POU6F2: variants seen among roughly 807,000 people sequenced by gnomAD.
POU6F2 encodes the protein POU domain, class 6, transcription factor 2.
In POU6F2, 31 loss-of-function variants were observed where a neutral mutation model predicts 71.3. That is an observed-to-expected ratio of 0.43 (90% CI 0.33 to 0.59). POU6F2 has a LOEUF of 0.59. POU6F2 is among the 20% of genes least tolerant of loss of function. The probability of loss-of-function intolerance (pLI) is 0.04; values close to 1 mark genes in which losing one functional copy is unlikely to be tolerated. For synonymous variants in POU6F2, 347 were observed against 355.7 expected, an observed-to-expected ratio of 0.98 and a Z score of 0.27; for missense variants, 783 against 856.8, an observed-to-expected ratio of 0.91 and a Z score of 1.07.
chr7:39,147,105 A>C (rs1005362523), intron 2 of POU6F2, among the ~76,000 whole-genome samples: 2 of 152,174 alleles, frequency 1.3e-5, no homozygotes, highest in Non-Finnish European at 1.5e-5. Flanking sequence ...GAGTGGTGGG[A>C]CTACAGACAG....
intron 2 of POU6F2, among the ~76,000 whole-genome samples, chr7:39,089,590 T>C (rs1334142707): frequency 6.6e-6 from 1 of 152,218 alleles, no homozygotes; most frequent in African/African-American, 2.4e-5. Flanking sequence ...CGTGTCAGTG[T>C]GGTGCTTCAC....
chr7:39,395,052 A>G (rs1449199632), intron 5 of POU6F2, among the ~76,000 whole-genome samples: 1 of 151,734 alleles, frequency 6.6e-6, no homozygotes, highest in Non-Finnish European at 1.5e-5. Flanking sequence ...GCTCCCAGCT[A>G]CCTCCTGTTC....
chr7:38,982,649 G>C (rs1251215664), intron 1 of POU6F2, among the ~76,000 whole-genome samples: 2 of 151,962 alleles, frequency 1.3e-5, no homozygotes, highest in Admixed American at 1.3e-4. Context: ...TAACAATATA[G>C]TAATACTACT....
intron 4 of POU6F2, among the ~76,000 whole-genome samples, chr7:39,257,287 G>A (rs537326956): frequency 2.6e-5 from 4 of 152,264 alleles, no homozygotes; most frequent in Non-Finnish European, 4.4e-5. Flanking sequence ...CTTGGAGTTA[G>A]GAGTAACAAC....
At chr7:39,153,688 G>A (rs970857806) in intron 2 of POU6F2, among the ~76,000 whole-genome samples, 3 of 152,138 alleles carry the variant, frequency 2.0e-5, no homozygotes, top group South Asian at 2.1e-4. Flanking sequence ...AGATAAAGTC[G>A]TGGTGCTACT....
At chr7:39,012,962 T>G in intron 1 of POU6F2, 1 of 152,322 alleles carries the variant, frequency 6.6e-6, no homozygotes, top group Middle Eastern at 3.4e-3. Flanking sequence ...TCTGCAGAGG[T>G]TACTACTGCT....
At chr7:39,019,011 T>G (rs1425577975) in intron 1 of POU6F2, among the ~76,000 whole-genome samples, 1 of 152,274 alleles carries the variant, frequency 6.6e-6, no homozygotes, top group African/African-American at 2.4e-5. Context: ...TCTTGGAATT[T>G]CCTTTCATTT....
chr7:39,171,013 T>G, intron 2 of POU6F2, among the ~76,000 whole-genome samples: 1 of 144,218 alleles, frequency 6.9e-6, no homozygotes, highest in East Asian at 2.0e-4. Flanking sequence ...AGTTCACATA[T>G]ATCTTTTTTT....
intron 1 of POU6F2, among the ~76,000 whole-genome samples, chr7:38,982,656 T>A (rs963970392): frequency 2.6e-5 from 4 of 152,096 alleles, no homozygotes; most frequent in African/African-American, 9.7e-5. Flanking sequence ...ATAGTAATAC[T>A]ACTATCCAAT....
intron 2 of POU6F2, among the ~76,000 whole-genome samples, chr7:39,095,415 G>T (rs1338181346): frequency 6.6e-6 from 1 of 152,126 alleles, no homozygotes; most frequent in Non-Finnish European, 1.5e-5. Context: ...GTTCTAAAAG[G>T]AATTAATGTC....
intron 1 of POU6F2, among the ~76,000 whole-genome samples, chr7:38,978,639 A>G (rs966200739): frequency 4.6e-5 from 7 of 152,158 alleles, no homozygotes; most frequent in African/African-American, 1.7e-4. Flanking sequence ...AAACACTGTC[A>G]CAATCTTGAA....
intron 4 of POU6F2, among the ~76,000 whole-genome samples, chr7:39,282,471 A>G (rs574721101): frequency 2.0e-5 from 3 of 152,022 alleles, no homozygotes; most frequent in Non-Finnish European, 4.4e-5. Context: ...GTGATGAGAG[A>G]TGGGGGTCTA....
intron 4 of POU6F2, among the ~76,000 whole-genome samples, chr7:39,230,840 C>G (rs1033589047): frequency 6.6e-6 from 1 of 152,148 alleles, no homozygotes; most frequent in African/African-American, 2.4e-5. Context: ...AATTAGAATA[C>G]AAGCCCCCCC....
intron 2 of POU6F2, among the ~76,000 whole-genome samples, chr7:39,121,165 A>G (rs1009191723): frequency 6.6e-6 from 1 of 152,172 alleles, no homozygotes; most frequent in African/African-American, 2.4e-5. Flanking sequence ...GTCTGTTAAG[A>G]CCATAATTTT....
At chr7:39,191,047 G>T (rs1049531311) in intron 2 of POU6F2, among the ~76,000 whole-genome samples, 2 of 152,152 alleles carry the variant, frequency 1.3e-5, no homozygotes, top group African/African-American at 2.4e-5. Flanking sequence ...TCTCCAGTTT[G>T]TTCGACTTCC....
intron 4 of POU6F2, among the ~76,000 whole-genome samples, chr7:39,236,844 C>T (rs1159951563): frequency 2.6e-5 from 4 of 152,148 alleles, no homozygotes; most frequent in Non-Finnish European, 4.4e-5. Flanking sequence ...AAAAATTAAT[C>T]GTAGTTTATA....
At chr7:39,152,861 A>G (rs1418147400) in intron 2 of POU6F2, among the ~76,000 whole-genome samples, 1 of 152,210 alleles carries the variant, frequency 6.6e-6, no homozygotes, top group East Asian at 1.9e-4. Context: ...AAAGCTGACA[A>G]CTTGATAAAA....
intron 7 of POU6F2, among the ~76,000 whole-genome samples, chr7:39,436,755 G>A (rs1239333029): frequency 6.6e-6 from 1 of 152,110 alleles, no homozygotes; most frequent in African/African-American, 2.4e-5. Flanking sequence ...TATTGGCTGT[G>A]GGTTTGTCAT....
intron 2 of POU6F2, among the ~76,000 whole-genome samples, chr7:39,106,297 A>G (rs1225041595): frequency 6.6e-6 from 1 of 152,236 alleles, no homozygotes; most frequent in Admixed American, 6.5e-5. Flanking sequence ...GTTGCTCTCT[A>G]CTACTTGGAG....
Sources: gnomAD v4.1 joint callset for allele counts (sites outside exome capture counted in the v4.1 genomes callset) on GRCh38, gnomAD v4.1.1 for gene constraint, MANE v1.5 for transcripts, NCBI Gene and HGNC (gene_info 2026-07-23, HGNC 2026-07-21) for gene names.